Variants in MMAB observed in about 807,000 individuals in gnomAD.
The protein encoded by MMAB is corrinoid adenosyltransferase MMAB.
MMAB carries 17 observed loss-of-function variants against 30.6 expected under a neutral mutation model. That is an observed-to-expected ratio of 0.56 (90% CI 0.38 to 0.83). The LOEUF is 0.83. MMAB is among the 40% of genes least tolerant of loss of function. The probability of loss-of-function intolerance (pLI) is 0.00; values close to 1 mark genes in which losing one functional copy is unlikely to be tolerated. For synonymous variants in MMAB, 134 were observed against 138.6 expected, an observed-to-expected ratio of 0.97 and a Z score of 0.23; for missense variants, 311 against 331.6, an observed-to-expected ratio of 0.94 and a Z score of 0.48.
chr12:109,571,716 G>A lies in MMAB; in HGVS notation c.135-6C>T. On this transcript the variant is annotated splice_polypyrimidine_tract_variant and splice_region_variant and intron_variant, in intron 1 of 8. Coordinates refer to ENST00000545712, the MANE Select transcript of MMAB (RefSeq NM_052845.4). ...TCTTCGAGGAAGGCTGTGGCCTAAT[G>A]AGAAATAAACATCAGTATCTGGTGA... The A allele has an allele frequency of 6.2e-7, 1 of 1,613,624 alleles. No individual in the cohort carries two copies. Among genetic ancestry groups the A allele is most frequent in the Non-Finnish European group, 8.5e-7 (1 of 1,179,588 alleles).
Position 109,555,133 on chromosome 12 carries a change from T to C in MMAB, c.*1895A>G, listed in dbSNP as rs1314832243. Reference sequence around the variant, plus strand: ...GGCTGTGCTTTCCCATGGCTAGGCATGCAGGGCTGCTGTGTTATTTTATAT... The same window carrying C: ...GGCTGTGCTTTCCCATGGCTAGGCACGCAGGGCTGCTGTGTTATTTTATAT... On this transcript the variant is annotated 3_prime_UTR_variant, in exon 9 of 9. Coordinates refer to ENST00000545712, the MANE Select transcript of MMAB (RefSeq NM_052845.4). 1 of 453,124 alleles carries C rather than the reference T, an allele frequency of 2.2e-6. No individual in the cohort carries two copies. Among genetic ancestry groups the C allele is most frequent in the East Asian group, 7.0e-5 (1 of 14,370 alleles). 28.1% of individuals were successfully genotyped at this position (453,124 alleles called of 1,614,324 possible).
chr12:109,566,931 C>T (rs1278337004), intron 3 of MMAB: 1 of 455,088 alleles, frequency 2.2e-6, no homozygotes, highest in African/African-American at 2.0e-5. Flanking sequence ...CCCTCCCACA[C>T]ACACCAAGGG....
chr12:109,573,150 G>A, intron 1 of MMAB, 197 bp downstream of exon 1: 1 of 675,328 alleles, frequency 1.5e-6, no homozygotes, highest in Non-Finnish European at 2.6e-6. Context: ...ATGATAGCGG[G>A]ACTTCATTGG....
intron 4 of MMAB, among the ~76,000 whole-genome samples, chr12:109,562,237 T>C (rs1004731301): frequency 2.0e-5 from 3 of 152,214 alleles, no homozygotes; most frequent in African/African-American, 7.2e-5. Flanking sequence ...GCCATGACTG[T>C]AGGTTTCCTG....
In MMAB at chr12:109,561,509, T is replaced by C. The variant is rs561864335; in HGVS notation, c.430A>G (p.Thr144Ala). 49 of 1,548,802 alleles carry C rather than the reference T, an allele frequency of 3.2e-5. No homozygotes were observed. Among genetic ancestry groups the C allele is most frequent in the Non-Finnish European group, 4.0e-5 (46 of 1,146,898 alleles). ...TCCAGGATGGGCCCCGCCTTGAACGTGGTATACTCTGAGGAGCCAAGGAGC... is the reference window on the plus strand; with the variant it reads ...TCCAGGATGGGCCCCGCCTTGAACGCGGTATACTCTGAGGAGCCAAGGAGC... ...SAREAHLKYTTFKAGPILELE... is the reference protein window; with the variant it reads ...SAREAHLKYTAFKAGPILELE... Residue 144 changes from threonine to alanine, a missense_variant, in exon 6 of 9, where the codon ACG becomes GCG. Coordinates refer to ENST00000545712, the MANE Select transcript of MMAB (RefSeq NM_052845.4). This position sits in a 1 kb window ranked among gnomAD's most constrained non-coding sequence, Gnocchi z 5.3.
chr12:109,556,599 C>T lies in MMAB; in HGVS notation c.*429G>A, dbSNP rs1258994831. ...ATTACATTTTCAAGGGCCTCTGGTC[C>T]CATTCCAAATCTGTGAACAACCTGA... On this transcript the variant is annotated 3_prime_UTR_variant, in exon 9 of 9. Transcript: ENST00000545712. 2.4e-5 allele frequency: 11 copies of T among 453,904 alleles called. No homozygotes were observed. The Admixed American group carries it at 2.6e-4, about 11-fold the overall frequency. 28.1% of individuals were successfully genotyped at this position (453,904 alleles called of 1,614,324 possible).
chr12:109,563,651 C>A (rs1197622454), intron 4 of MMAB, among the ~76,000 whole-genome samples: 1 of 152,256 alleles, frequency 6.6e-6, no homozygotes, highest in East Asian at 1.9e-4. Flanking sequence ...TGCGACCCAA[C>A]GCGTACAGCA....
intron 4 of MMAB, among the ~76,000 whole-genome samples, chr12:109,562,268 G>A (rs940890531): frequency 1.3e-5 from 2 of 152,222 alleles, no homozygotes; most frequent in African/African-American, 4.8e-5. Context: ...AGAAGCAGAA[G>A]CCTGTACAGC....
At chr12:109,557,792 G>A (rs914063954) in intron 8 of MMAB, among the ~76,000 whole-genome samples, 14 of 152,198 alleles carry the variant, frequency 9.2e-5, no homozygotes, top group African/African-American at 3.1e-4. Context: ...CAAAGGTACC[G>A]GGTGAGAAGC....
In MMAB at chr12:109,571,715, T is replaced by C; in HGVS notation, c.135-5A>G. ...GTCTTCGAGGAAGGCTGTGGCCTAA[T>C]GAGAAATAAACATCAGTATCTGGTG... On this transcript the variant is annotated splice_polypyrimidine_tract_variant and splice_region_variant and intron_variant, in intron 1 of 8. Coordinates refer to ENST00000545712, the MANE Select transcript of MMAB (RefSeq NM_052845.4). The C allele has an allele frequency of 1.9e-6, 3 of 1,613,766 alleles. No homozygotes were observed. The highest frequency in any genetic ancestry group is 1.7e-6 in the Non-Finnish European group (2 of 1,179,696).
chr12:109,564,612 G>C (rs1433301139), intron 4 of MMAB, among the ~76,000 whole-genome samples: 1 of 146,628 alleles, frequency 6.8e-6, no homozygotes, highest in Non-Finnish European at 1.5e-5. Flanking sequence ...GGCTGGTCTT[G>C]AACTCCTGGC....
intron 2 of MMAB, among the ~76,000 whole-genome samples, chr12:109,570,337 T>C (rs1307196319): frequency 6.6e-6 from 1 of 152,138 alleles, no homozygotes; most frequent in Non-Finnish European, 1.5e-5. Context: ...CCCCACTTCC[T>C]TGTAACCACC....
chr12:109,557,387 G>A (rs1055783740), intron 8 of MMAB, among the ~76,000 whole-genome samples: 1 of 152,198 alleles, frequency 6.6e-6, no homozygotes, highest in South Asian at 2.1e-4. Flanking sequence ...CCATTGCCCC[G>A]GCCCTACCCC....
chr12:109,557,573 G>A (rs1294202783), intron 8 of MMAB, among the ~76,000 whole-genome samples: 7 of 152,326 alleles, frequency 4.6e-5, no homozygotes, highest in South Asian at 2.1e-4. Context: ...GGCTGGGCCC[G>A]GGGCTCTGCA....
chr12:109,560,899 C>T, intron 7 of MMAB, 141 bp downstream of exon 7: 1 of 833,514 alleles, frequency 1.2e-6, no homozygotes, highest in South Asian at 1.4e-5. Context: ...CAGAGATGGC[C>T]CTGCTGTACC....
chr12:109,572,728 C>T (rs1045162515), intron 1 of MMAB, among the ~76,000 whole-genome samples: 1 of 152,130 alleles, frequency 6.6e-6, no homozygotes, highest in Non-Finnish European at 1.5e-5. Flanking sequence ...TTATCTTATA[C>T]TCCACCAACT....
intron 4 of MMAB, among the ~76,000 whole-genome samples, chr12:109,563,482 G>A (rs182401864): frequency 9.2e-5 from 14 of 152,346 alleles, no homozygotes; most frequent in African/African-American, 2.9e-4. Context: ...CACTGTCCCC[G>A]CCCTCACAGT....
In MMAB at chr12:109,571,695, C is replaced by T. The variant is rs754357121; in HGVS notation, c.150G>A (p.Ser50=). Residue 50 remains serine, a synonymous_variant, in exon 2 of 9, where the codon TCG becomes TCA. Coordinates refer to ENST00000545712, the MANE Select transcript of MMAB (RefSeq NM_052845.4). The stretch of plus-strand genomic sequence containing the variant: ...AAATCTTGGGGATCCTGGGTGTCTT[C>T]GAGGAAGGCTGTGGCCTAATGAGAA... ...VEDGDRPQPS[S]KTPRIPKIYT... is the part of the protein sequence containing the mutation. The T allele has an allele frequency of 3.4e-5, 55 of 1,613,938 alleles. No homozygotes were observed. Among genetic ancestry groups the T allele is most frequent in the African/African-American group, 3.1e-4 (23 of 74,900 alleles).
At chr12:109,567,765 G>A (rs1884488252) in intron 3 of MMAB, 1 of 152,116 alleles carries the variant, frequency 6.6e-6, no homozygotes, top group Non-Finnish European at 1.5e-5. Context: ...CTGAGTAGCT[G>A]GGACTACAGG....
Sources: gnomAD v4.1 joint callset for allele counts (sites outside exome capture counted in the v4.1 genomes callset) on GRCh38, gnomAD v4.1.1 for gene constraint, Gnocchi (gnomAD v3.1) non-coding constraint, MANE v1.5 for transcripts, NCBI Gene and HGNC (gene_info 2026-07-23, HGNC 2026-07-21) for gene names.